The following MAP2K5 variants were observed in gnomAD, a reference collection of about 807,000 sequenced individuals.
MAP2K5 encodes the protein dual specificity mitogen-activated protein kinase kinase 5.
A neutral mutation model predicts 83.1 loss-of-function variants in MAP2K5; 49 were observed. The ratio of observed to expected loss-of-function variants is 0.59; its 90% CI spans 0.47 to 0.75. The LOEUF is 0.75. MAP2K5 is among the 30% of genes least tolerant of loss of function. The pLI is 0.00. For synonymous variants in MAP2K5, 202 were observed against 191.8 expected (o/e 1.05, Z -0.44); for missense variants, 457 against 557.5 (o/e 0.82, Z 1.82).
At position 67,782,542 on chromosome 15, in the gene MAP2K5, T is replaced by A. The variant is rs548609629; in HGVS notation, c.1242+9790T>A. Among the ~76,000 whole-genome samples the A allele has an allele frequency of 3.3e-5, 5 of 152,332 alleles. No individual in the cohort carries two copies. Among genetic ancestry groups the A allele is most frequent in the African/African-American group, 1.2e-4 (5 of 41,576 alleles). The stretch of plus-strand genomic sequence containing the variant: ...ACAGTAGGCGCCTCTCTTCTCACAG[T>A]GACCAGGCCTGAGTTTATTCAGCAT... On this transcript the variant is annotated intron_variant, in intron 21 of 21. Transcript: ENST00000178640. The surrounding 1 kb of genome is among the most constrained non-coding windows in gnomAD (Gnocchi z 4.9).
chr15:67,746,099 T>A lies in MAP2K5; in HGVS notation c.1075-2132T>A, dbSNP rs1201513440. ...CAAGCATAAATAGTACAGTTTTAAG[T>A]TGACTTAGACTAAGCTTTTAACCTG... On this transcript the variant is annotated intron_variant, in intron 17 of 21. Transcript: ENST00000178640. The surrounding 1 kb of genome is among the most constrained non-coding windows in gnomAD (Gnocchi z 4.1). Among the ~76,000 whole-genome samples, 2 of 152,224 alleles carry A rather than the reference T, an allele frequency of 1.3e-5. No homozygotes were observed. Among genetic ancestry groups the A allele is most frequent in the Non-Finnish European group, 2.9e-5 (2 of 68,040 alleles).
chr15:67,623,295 T>G (rs917809214), intron 8 of MAP2K5, among the ~76,000 whole-genome samples: 1 of 152,212 alleles, frequency 6.6e-6, no homozygotes, highest in Non-Finnish European at 1.5e-5. Context: ...CTTATAGTAG[T>G]GGGCAAGAGA....
intron 8 of MAP2K5, among the ~76,000 whole-genome samples, chr15:67,626,552 A>C (rs749926844): frequency 2.6e-5 from 4 of 152,042 alleles, no homozygotes; most frequent in Non-Finnish European, 4.4e-5. Flanking sequence ...CAAAAAACAT[A>C]ATATAGGGGA....
intron 7 of MAP2K5, among the ~76,000 whole-genome samples, chr15:67,596,880 A>C (rs2085536870): frequency 6.6e-6 from 1 of 152,116 alleles, no homozygotes; most frequent in Non-Finnish European, 1.5e-5. Context: ...TTTAAAAACT[A>C]CTTGGAATTG....
Position 67,634,367 on chromosome 15 carries a change from C to CAA in MAP2K5, c.585+3481_585+3482dup, listed in dbSNP as rs71142390. On this transcript the variant is annotated intron_variant, in intron 9 of 21. Coordinates refer to ENST00000178640, the MANE Select transcript of MAP2K5 (RefSeq NM_145160.3). ...TGGGTGACAGAGTAAGACCTCATCT[C>CAA]AAAAAAAAAAAAAAAAAAAAAAAAA... Among the ~76,000 whole-genome samples, 107 of 48,574 alleles carry CAA rather than the reference C, an allele frequency of 2.2e-3. 13 individuals carry two copies. The highest frequency in any genetic ancestry group is 3.3e-3 in the East Asian group (5 of 1,504). 31.9% of individuals were successfully genotyped at this position (48,574 alleles called of 152,430 possible). A position where few individuals can be genotyped will look rare whatever the true frequency, so the allele number is the denominator to read the frequency against.
chr15:67,624,950 C>T (rs995881682), intron 8 of MAP2K5, among the ~76,000 whole-genome samples: 1 of 152,122 alleles, frequency 6.6e-6, no homozygotes, highest in Non-Finnish European at 1.5e-5. Flanking sequence ...CATCTATTTC[C>T]TTTAGGTCCT....
intron 12 of MAP2K5, chr15:67,658,820 C>T (rs762618050): frequency 4.9e-6 from 3 of 609,490 alleles, no homozygotes; most frequent in South Asian, 3.0e-5. Context: ...GTGCTCCAAC[C>T]TGTTCTAGTT....
At chr15:67,691,832 TGTAAG>T (rs950386910) in intron 13 of MAP2K5, among the ~76,000 whole-genome samples, 6 of 152,190 alleles carry the variant, frequency 3.9e-5, no homozygotes, top group African/African-American at 1.2e-4. Flanking sequence ...CCAAAAATAA[TGTAAG>T]GGAAGAGAAG....
At position 67,762,492 on chromosome 15, in the gene MAP2K5, G is replaced by A. The variant is rs553552533; in HGVS notation, c.1135-7110G>A. On this transcript the variant is annotated intron_variant, in intron 19 of 21. Coordinates refer to ENST00000178640, the MANE Select transcript of MAP2K5 (RefSeq NM_145160.3). ...CTCCACTCACCTATTTTCAAGAAAT[G>A]TAATAAAACACCAAGCTCTTTACCA... 4.0e-5 allele frequency among the ~76,000 whole-genome samples: 6 copies of A among 149,100 alleles called. No individual in the cohort carries two copies. The East Asian group carries it at 1.0e-3, about 25-fold the overall frequency.
Position 67,543,287 on chromosome 15 carries a change from C to A in MAP2K5, c.-49C>A, listed in dbSNP as rs1309057911. ...CCTCTTGGAGCCCCCTCCTAACCAG[C>A]GGCCAGTGGGTTTCCCATACCCCAG... On this transcript the variant is annotated 5_prime_UTR_variant, in exon 1 of 22. Transcript: ENST00000178640. The surrounding 1 kb of genome is among the most constrained non-coding windows in gnomAD (Gnocchi z 4.3). The A allele has an allele frequency of 1.2e-6, 2 of 1,609,116 alleles. No homozygotes were observed. Among genetic ancestry groups the A allele is most frequent in the East Asian group, 2.2e-5 (1 of 44,836 alleles).
At chr15:67,753,568 A>G (rs984213918) in intron 19 of MAP2K5, among the ~76,000 whole-genome samples, 1 of 152,206 alleles carries the variant, frequency 6.6e-6, no homozygotes, top group African/African-American at 2.4e-5. Flanking sequence ...AGATAAACAA[A>G]TGGTCAATAA....
rs1182178797 is a variant in MAP2K5, at chr15:67,668,957, C to T, written c.847+4312C>T. ...AGAAATTCTGTAGGAAAATGCTGGCCAGATAGATTTGTGTTTAAAGAAACT... is the reference window on the plus strand; with the variant it reads ...AGAAATTCTGTAGGAAAATGCTGGCTAGATAGATTTGTGTTTAAAGAAACT... On this transcript the variant is annotated intron_variant, in intron 13 of 21. Transcript: ENST00000178640. This position sits in a 1 kb window ranked among gnomAD's most constrained non-coding sequence, Gnocchi z 4.0. Among the ~76,000 whole-genome samples the T allele has an allele frequency of 6.6e-6, 1 of 152,014 alleles. No homozygotes were observed. Among genetic ancestry groups the T allele is most frequent in the Non-Finnish European group, 1.5e-5 (1 of 67,994 alleles).
chr15:67,688,822 A>G (rs901329358), intron 13 of MAP2K5, among the ~76,000 whole-genome samples: 1 of 152,222 alleles, frequency 6.6e-6, no homozygotes, highest in African/African-American at 2.4e-5. Flanking sequence ...GATCAAAAAG[A>G]CTAAAACCCA....
chr15:67,788,732 G>T (rs905644575), intron 21 of MAP2K5, among the ~76,000 whole-genome samples: 3 of 152,110 alleles, frequency 2.0e-5, no homozygotes, highest in African/African-American at 7.2e-5. Flanking sequence ...TCTAGCTCTT[G>T]GGGGGCTGAG....
chr15:67,657,620 CCCAGTTTCTTGTTCCAATCT>C (rs887937612), intron 11 of MAP2K5, among the ~76,000 whole-genome samples: 1 of 151,100 alleles, frequency 6.6e-6, no homozygotes, highest in African/African-American at 2.4e-5. Context: ...ACAGTGGTTT[CCCAGTTTCTTGTTCCAATCT>C]GCAAACTACA....
chr15:67,780,035 A>G lies in MAP2K5; in HGVS notation c.1242+7283A>G, dbSNP rs2090303249. The stretch of plus-strand genomic sequence containing the variant: ...GTCCTCCTCCCTGCGGCTTTTCCCT[A>G]CTCTTCGACTTTACAGTTGCTTGCT... On this transcript the variant is annotated intron_variant, in intron 21 of 21. Coordinates refer to ENST00000178640, the MANE Select transcript of MAP2K5 (RefSeq NM_145160.3). This position sits in a 1 kb window ranked among gnomAD's most constrained non-coding sequence, Gnocchi z 5.0. Among the ~76,000 whole-genome samples, 1 of 151,262 alleles carries G rather than the reference A, an allele frequency of 6.6e-6. No individual in the cohort carries two copies.
At chr15:67,570,253 G>C (rs921221014) in intron 3 of MAP2K5, among the ~76,000 whole-genome samples, 2 of 152,162 alleles carry the variant, frequency 1.3e-5, no homozygotes, top group African/African-American at 4.8e-5. Flanking sequence ...ATTAAACTTG[G>C]CCAACTTGCT....
chr15:67,660,560 C>T (rs1468849110), intron 12 of MAP2K5, among the ~76,000 whole-genome samples: 1 of 152,084 alleles, frequency 6.6e-6, no homozygotes, highest in Non-Finnish European at 1.5e-5. Context: ...GCCAAGAAAA[C>T]ACAAGGGTGC....
chr15:67,655,282 C>T (rs1212524845), intron 11 of MAP2K5, among the ~76,000 whole-genome samples: 1 of 152,146 alleles, frequency 6.6e-6, no homozygotes, highest in Non-Finnish European at 1.5e-5. Flanking sequence ...ATGCAGTTAC[C>T]TTTACCAGTG....
Sources: allele counts gnomAD v4.1 joint callset (sites outside exome capture counted in the v4.1 genomes callset), GRCh38; gene constraint gnomAD v4.1.1; non-coding constraint Gnocchi (gnomAD v3.1); transcripts MANE v1.5; gene names NCBI Gene and HGNC (gene_info 2026-07-23, HGNC 2026-07-21).